Variants in MSI2 observed in about 807,000 individuals in gnomAD.
MSI2 encodes musashi RNA binding protein 2.
Under a neutral mutation model 45.6 loss-of-function variants are expected in MSI2, and 17 were observed. That is an observed-to-expected ratio of 0.37 (90% CI 0.26 to 0.56). The LOEUF (loss-of-function observed/expected upper bound fraction) is 0.56, where lower values mean the gene tolerates loss of function less well. MSI2 is among the 20% of genes least tolerant of loss of function. The pLI, the probability that MSI2 is intolerant of heterozygous loss-of-function variation, is 0.77. For missense variants in MSI2, 293 were observed against 444.2 expected, an observed-to-expected ratio of 0.66 and a Z score of 3.06; for synonymous variants, 156 against 158.2, an observed-to-expected ratio of 0.99 and a Z score of 0.11.
chr17:57,589,216 G>T (rs1023403741), intron 7 of MSI2, among the ~76,000 whole-genome samples: 1 of 152,070 alleles, frequency 6.6e-6, no homozygotes. Flanking sequence ...CTCTAATGGC[G>T]ACTCCAATTG....
chr17:57,297,293 A>G (rs1911062844), intron 5 of MSI2, among the ~76,000 whole-genome samples: 1 of 152,090 alleles, frequency 6.6e-6, no homozygotes. Flanking sequence ...CCATTGCAAT[A>G]AAGTGAATAT....
intron 6 of MSI2, among the ~76,000 whole-genome samples, chr17:57,477,166 G>A (rs2085556445): frequency 7.2e-6 from 1 of 139,192 alleles, no homozygotes; most frequent in Non-Finnish European, 1.6e-5. Context: ...GTGTGTGTGT[G>A]TGTGTGTGTG....
intron 5 of MSI2, among the ~76,000 whole-genome samples, chr17:57,312,878 C>T (rs970633570): frequency 1.3e-5 from 2 of 152,130 alleles, no homozygotes; most frequent in African/African-American, 2.4e-5. Flanking sequence ...GACAGAGTCT[C>T]GCTCTGTTGC....
chr17:57,344,602 G>A (rs190943907), intron 5 of MSI2, among the ~76,000 whole-genome samples: 36 of 152,304 alleles, frequency 2.4e-4, no homozygotes, highest in Middle Eastern at 6.8e-3. Flanking sequence ...GAGTGTCTTC[G>A]TCTCTAGGCC....
intron 7 of MSI2, among the ~76,000 whole-genome samples, chr17:57,544,914 C>T (rs2087129348): frequency 6.6e-6 from 1 of 152,200 alleles, no homozygotes; most frequent in Non-Finnish European, 1.5e-5. Flanking sequence ...TTGTAAAATA[C>T]TATGCCTCAT....
chr17:57,509,867 C>G (rs931133598), intron 6 of MSI2, among the ~76,000 whole-genome samples: 6 of 152,188 alleles, frequency 3.9e-5, no homozygotes, highest in South Asian at 2.1e-4. Context: ...CCATCCTTTA[C>G]GATTAGTGTC....
intron 5 of MSI2, among the ~76,000 whole-genome samples, chr17:57,364,743 T>G (rs968524444): frequency 5.3e-5 from 8 of 152,098 alleles, no homozygotes; most frequent in African/African-American, 1.9e-4. Flanking sequence ...GGGAAAGACC[T>G]CCAGCTCCTT....
At chr17:57,631,540 T>C in intron 10 of MSI2, 5 of 487,228 alleles carry the variant, frequency 1.0e-5, no homozygotes, top group Non-Finnish European at 1.8e-5. Context: ...TAGAGAAGGC[T>C]AGACACTGGA....
chr17:57,622,058 A>G (rs8072404), intron 9 of MSI2, among the ~76,000 whole-genome samples: 138,013 of 152,242 alleles, frequency 0.91, 62,653 homozygotes, highest in African/African-American at 0.93. Context: ...AATTAACAGG[A>G]CATGGTGGCG....
At chr17:57,651,991 T>C in intron 10 of MSI2, 108 bp from the exon 11 acceptor site, 1 of 1,022,242 alleles carries the variant, frequency 9.8e-7, no homozygotes, top group Non-Finnish European at 1.5e-6. Flanking sequence ...CCCTTCCCAC[T>C]CCTGTCTTTG....
chr17:57,308,680 C>T (rs897172989), intron 5 of MSI2, among the ~76,000 whole-genome samples: 7 of 152,126 alleles, frequency 4.6e-5, no homozygotes, highest in Non-Finnish European at 1.0e-4. Context: ...TCTCCTTTAC[C>T]TCCTTGGTGT....
At chr17:57,659,803 G>A (rs1398768802) in intron 11 of MSI2, among the ~76,000 whole-genome samples, 1 of 152,188 alleles carries the variant, frequency 6.6e-6, no homozygotes, top group Non-Finnish European at 1.5e-5. Context: ...CTCTATATAG[G>A]CCAAGCGCTC....
intron 6 of MSI2, among the ~76,000 whole-genome samples, chr17:57,506,493 G>A (rs1234455569): frequency 6.6e-6 from 1 of 152,214 alleles, no homozygotes; most frequent in Non-Finnish European, 1.5e-5. Context: ...TTCTCTGGCT[G>A]TGGGTCTGCT....
At chr17:57,592,323 C>T (rs1474725435) in intron 7 of MSI2, among the ~76,000 whole-genome samples, 2 of 152,150 alleles carry the variant, frequency 1.3e-5, no homozygotes, top group African/African-American at 4.8e-5. Flanking sequence ...TGTTTTTGTC[C>T]TCCTCTGCTC....
chr17:57,294,617 TC>T (rs1567740911), intron 5 of MSI2: 1 of 152,332 alleles, frequency 6.6e-6, no homozygotes, highest in Non-Finnish European at 1.5e-5. Context: ...AATGTGGTTC[TC>T]CTCCTTCCCT....
At chr17:57,359,364 T>C (rs1461050559) in intron 5 of MSI2, among the ~76,000 whole-genome samples, 1 of 152,208 alleles carries the variant, frequency 6.6e-6, no homozygotes, top group African/African-American at 2.4e-5. Context: ...ATAGGGTGAT[T>C]GATAGTTAAG....
chr17:57,636,718 A>G (rs723449), intron 10 of MSI2, among the ~76,000 whole-genome samples: 110,057 of 152,106 alleles, frequency 0.72, 40,717 homozygotes, highest in African/African-American at 0.87. Flanking sequence ...TTTTTAAGGG[A>G]CTGTTTCCTC....
chr17:57,699,330 A>G, the MSI2 span, among the ~76,000 whole-genome samples: 1 of 150,202 alleles, frequency 6.7e-6, no homozygotes, highest in East Asian at 2.0e-4. Context: ...CATGAGGGAC[A>G]CTCTCCACGT....
At chr17:57,580,128 A>G (rs2088162099) in intron 7 of MSI2, among the ~76,000 whole-genome samples, 1 of 151,514 alleles carries the variant, frequency 6.6e-6, no homozygotes, top group Non-Finnish European at 1.5e-5. Context: ...ACTTGGGCCT[A>G]GCAGGGGCTG....
Sources: allele counts gnomAD v4.1 joint callset (sites outside exome capture counted in the v4.1 genomes callset), GRCh38; gene constraint gnomAD v4.1.1; transcripts MANE v1.5; gene names NCBI Gene and HGNC (gene_info 2026-07-23, HGNC 2026-07-21).